The following ZNF48 variants were observed in gnomAD, a reference collection of about 807,000 sequenced individuals.
ZNF48 encodes the protein zinc finger protein 48, also known as zinc finger protein 553.
In ZNF48, 20 loss-of-function variants were observed where a neutral mutation model predicts 40.0. The ratio of observed to expected loss-of-function variants is 0.50; its 90% CI spans 0.35 to 0.73. The LOEUF (loss-of-function observed/expected upper bound fraction) is 0.73. ZNF48 is among the 30% of genes least tolerant of loss of function. The pLI is 0.01. For synonymous variants in ZNF48, 298 were observed against 329.7 expected, an observed-to-expected ratio of 0.90 and a Z score of 1.04; for missense variants, 726 against 851.9, an observed-to-expected ratio of 0.85 and a Z score of 1.84.
rs931343826 is a variant in ZNF48, at chr16:30,399,226, AATAG to A, written c.*125_*128del. The A allele has an allele frequency of 1.0e-5, 10 of 958,262 alleles. No homozygotes were observed. The highest frequency in any genetic ancestry group is 1.5e-5 in the Non-Finnish European group (10 of 664,722). 59.4% of individuals were successfully genotyped at this position (958,262 alleles called of 1,614,324 possible). A position where few individuals can be genotyped will look rare whatever the true frequency, so the allele number is the denominator to read the frequency against. On this transcript the variant is annotated 3_prime_UTR_variant, in exon 3 of 3. Coordinates refer to ENST00000613509, the MANE Select transcript of ZNF48 (RefSeq NM_001214909.2). ...AAGGAAGGGAAGAAAGGGGAGGAAG[AATAG>A]ATAGAAATAGGGATTGGAGACAGTA...
intron 1 of ZNF48, chr16:30,378,630 T>A (rs2049786847): frequency 6.2e-7 from 1 of 1,610,916 alleles, no homozygotes; most frequent in Non-Finnish European, 8.5e-7. Context: ...TTCTCGCGGA[T>A]CAGCTTCTCG....
chr16:30,392,578 G>A (rs1324621354), upstream of ZNF48, among the ~76,000 whole-genome samples: 1 of 152,180 alleles, frequency 6.6e-6, no homozygotes. Context: ...TAGAGTAATA[G>A]CTGATACTTT....
intron 2 of ZNF48, among the ~76,000 whole-genome samples, chr16:30,396,438 C>T (rs1229858746): frequency 2.0e-5 from 3 of 152,148 alleles, no homozygotes; most frequent in Admixed American, 2.0e-4. Flanking sequence ...TTATTCTGCA[C>T]CCACAATTAT....
At chr16:30,387,028 T>C (rs1482005070) in intron 1 of ZNF48, among the ~76,000 whole-genome samples, 10 of 148,606 alleles carry the variant, frequency 6.7e-5, no homozygotes, top group African/African-American at 1.2e-4. Flanking sequence ...CTGCAAGCTC[T>C]GCCTCCAGGG....
chr16:30,383,186 T>C (rs2049872729), intron 1 of ZNF48, among the ~76,000 whole-genome samples: 1 of 152,054 alleles, frequency 6.6e-6, no homozygotes, highest in African/African-American at 2.4e-5. Flanking sequence ...TGTTTCTTTT[T>C]CTTTCTTTCT....
At chr16:30,378,641 G>A (rs767169336) in intron 1 of ZNF48, 1 of 1,610,770 alleles carries the variant, frequency 6.2e-7, no homozygotes, top group South Asian at 1.1e-5. Flanking sequence ...CAGCTTCTCG[G>A]TGTCCGCCAG....
upstream of ZNF48, chr16:30,395,247 A>C (rs2049970598): frequency 2.2e-6 from 1 of 456,076 alleles, no homozygotes; most frequent in African/African-American, 2.0e-5. This position sits in a 1 kb window ranked among gnomAD's most constrained non-coding sequence, Gnocchi z 5.9. Flanking sequence ...CAGGAGGCAC[A>C]CGGTTAATAC....
In ZNF48 at chr16:30,381,759, C is replaced by T. The variant is rs1424253875; in HGVS notation, c.-16+3349C>T. On this transcript the variant is annotated intron_variant, in intron 1 of 2. Transcript: ENST00000528032. The surrounding 1 kb of genome is among the most constrained non-coding windows in gnomAD (Gnocchi z 4.3). The stretch of plus-strand genomic sequence containing the variant: ...CCTCTGTCCCCTTTCCTCTTCCTCA[C>T]CAGTCAGAGCAGTCCACTGAGTCCC... The T allele has an allele frequency of 6.2e-7, 1 of 1,613,702 alleles. No homozygotes were observed. Among genetic ancestry groups the T allele is most frequent in the Non-Finnish European group, 8.5e-7 (1 of 1,179,902 alleles).
At chr16:30,379,110 T>C (rs1275185429) in intron 1 of ZNF48, 2 of 1,613,968 alleles carry the variant, frequency 1.2e-6, no homozygotes, top group African/African-American at 2.7e-5. Flanking sequence ...GCGTCACCTC[T>C]TTCAGGTCCT....
At chr16:30,389,572 C>CAAA (rs1250778121) in intron 1 of ZNF48, among the ~76,000 whole-genome samples, 2 of 53,580 alleles carry the variant, frequency 3.7e-5, no homozygotes, top group African/African-American at 1.4e-4. Context: ...GACTCTGTCT[C>CAAA]AAAAAAAAAA....
At position 30,399,103 on chromosome 16, in the gene ZNF48, A is replaced by C; in HGVS notation, c.1853A>C (p.Glu618Ala). ...AAGCAGGAGGCAGCAACAGGACTGG[A>C]ATGACGCGGTCCAGGGAGGGCGGAG... ...PLKQEAATGL[E>A] The change falls in exon 3 of 3, where the codon GAA becomes GCA. Residue 618 changes from glutamate (E) to alanine (A), a missense_variant. Physicochemically the swap from Glu to Ala is moderately radical, Grantham distance 107 (BLOSUM62 -1). Coordinates refer to ENST00000613509, the MANE Select transcript of ZNF48 (RefSeq NM_001214909.2). 6.3e-7 allele frequency: 1 copy of C among 1,580,852 alleles called. No homozygotes were observed. The highest frequency in any genetic ancestry group is 8.6e-7 in the Non-Finnish European group (1 of 1,163,216).
Position 30,398,014 on chromosome 16 carries a change from G to A in ZNF48, c.764G>A (p.Arg255Gln), listed in dbSNP as rs201343712. 41 of 1,612,932 alleles carry A rather than the reference G, an allele frequency of 2.5e-5. No homozygotes were observed. The East Asian group carries it at 5.1e-4, about 20-fold the overall frequency. The part of the protein sequence containing the change: ...EQPPRPVVPR[R>Q]QPSRAATAAT... ...CCCCCCCGACCAGTGGTGCCCCGACGGCAGCCATCTCGGGCAGCCACGGCA... is the reference window on the plus strand; with the variant it reads ...CCCCCCCGACCAGTGGTGCCCCGACAGCAGCCATCTCGGGCAGCCACGGCA... Residue 255 changes from arginine (R) to glutamine (Q), a missense_variant, in exon 3 of 3, where the codon CGG becomes CAG. Physicochemically the swap from Arg to Gln is conservative, Grantham distance 43 (BLOSUM62 1). This residue lies in a region of ZNF48 where 378 missense variants were observed against 449.1 expected (regional missense o/e 0.84). Coordinates refer to ENST00000613509, the MANE Select transcript of ZNF48 (RefSeq NM_001214909.2). The surrounding 1 kb of genome is among the most constrained non-coding windows in gnomAD (Gnocchi z 6.6).
chr16:30,394,020 TTCTC>T (rs952408814), upstream of ZNF48, among the ~76,000 whole-genome samples: 36 of 151,730 alleles, frequency 2.4e-4, no homozygotes, highest in South Asian at 1.0e-3. Context: ...GCCCAGCCCA[TTCTC>T]TCTCTCTTTT....
At chr16:30,385,915 T>TA (rs1309964654) in intron 1 of ZNF48, among the ~76,000 whole-genome samples, 1 of 151,148 alleles carries the variant, frequency 6.6e-6, no homozygotes, top group African/African-American at 2.4e-5. Context: ...TGCTTGAGGC[T>TA]AGGAGTTCAA....
In ZNF48 at chr16:30,382,668, G is replaced by A. The variant is rs1245251577; in HGVS notation, c.-16+4258G>A. ...GGCCCAGTCCCAGAGAGGTGGGGAA[G>A]GCCAAGGCCAAGAACACTTGGGGTT... On this transcript the variant is annotated intron_variant, in intron 1 of 2. Coordinates refer to the ZNF48 transcript ENST00000528032. This position sits in a 1 kb window ranked among gnomAD's most constrained non-coding sequence, Gnocchi z 4.8. 1.3e-5 allele frequency: 20 copies of A among 1,533,796 alleles called. No homozygotes were observed. The highest frequency in any genetic ancestry group is 1.8e-5 in the Non-Finnish European group (20 of 1,141,994).
chr16:30,397,271 T>C lies in ZNF48; in HGVS notation c.80-59T>C, dbSNP rs1336829974. The C allele has an allele frequency of 9.5e-6, 14 of 1,470,252 alleles. No homozygotes were observed. The highest frequency in any genetic ancestry group is 1.2e-5 in the Non-Finnish European group (13 of 1,084,660). 91.1% of individuals were successfully genotyped at this position (1,470,252 alleles called of 1,614,324 possible). Reference sequence around the variant, plus strand: ...AAGGGAGTCTTCCTGGAGAGGTTGCTGTCAAAGATAAGTACCGAGCCAAAG... The same window carrying C: ...AAGGGAGTCTTCCTGGAGAGGTTGCCGTCAAAGATAAGTACCGAGCCAAAG... On this transcript the variant is annotated intron_variant, in intron 2 of 2. Transcript: ENST00000613509. The surrounding 1 kb of genome is among the most constrained non-coding windows in gnomAD (Gnocchi z 4.1).
rs1026492900 is a variant in ZNF48 at position 30,397,224 on chromosome 16, G to GT, written c.80-104dup. 3.9e-6 allele frequency: 4 copies of GT among 1,026,570 alleles called. No individual in the cohort carries two copies. The African/African-American group carries it at 4.8e-5, about 12-fold the overall frequency. The allele number at this position is 1,026,570 out of a possible 1,614,324, so 63.6% of individuals were successfully genotyped here. On this transcript the variant is annotated intron_variant, in intron 2 of 2. Coordinates refer to ENST00000613509, the MANE Select transcript of ZNF48 (RefSeq NM_001214909.2). This position sits in a 1 kb window ranked among gnomAD's most constrained non-coding sequence, Gnocchi z 4.1. The stretch of plus-strand genomic sequence containing the variant: ...AGGTTGAGAGGACAGAGAGATTGGG[G>GT]TTCCTGTGACCACAGATTGTCAAGG...
rs2049867572 is a variant in ZNF48, at chr16:30,382,659, G to A, written c.-16+4249G>A. On this transcript the variant is annotated intron_variant, in intron 1 of 2. Transcript: ENST00000528032. The surrounding 1 kb of genome is among the most constrained non-coding windows in gnomAD (Gnocchi z 4.8). ...GCTCAAACTGGCCCAGTCCCAGAGA[G>A]GTGGGGAAGGCCAAGGCCAAGAACA... is the stretch of plus-strand genomic sequence containing the variant. 4.6e-6 allele frequency: 7 copies of A among 1,536,232 alleles called. No individual in the cohort carries two copies. The South Asian group carries it at 8.3e-5, about 18-fold the overall frequency.
In ZNF48 at chr16:30,395,586, C is replaced by T. The variant is rs1419638200; in HGVS notation, c.-16+8C>T. On this transcript the variant is annotated splice_region_variant and intron_variant, in intron 1 of 2. Transcript: ENST00000613509. This position sits in a 1 kb window ranked among gnomAD's most constrained non-coding sequence, Gnocchi z 5.9. Reference sequence around the variant, plus strand: ...CCGGAGGCGGCCGGCAAGGTGAGAGCGGCGGCTGCGCGCTGGGAGGAGCAG... The same window carrying T: ...CCGGAGGCGGCCGGCAAGGTGAGAGTGGCGGCTGCGCGCTGGGAGGAGCAG... 2 of 241,356 alleles carry T rather than the reference C, an allele frequency of 8.3e-6. No individual in the cohort carries two copies. The highest frequency in any genetic ancestry group is 1.5e-5 in the Non-Finnish European group (2 of 134,462). 15.0% of individuals were successfully genotyped at this position (241,356 alleles called of 1,614,324 possible). A position where few individuals can be genotyped will look rare whatever the true frequency, so the allele number is the denominator to read the frequency against.
Sources: allele counts gnomAD v4.1 joint callset (sites outside exome capture counted in the v4.1 genomes callset), GRCh38; gene constraint gnomAD v4.1.1; regional missense constraint gnomAD v4.1.1; non-coding constraint Gnocchi (gnomAD v3.1); transcripts MANE v1.5; gene names NCBI Gene and HGNC (gene_info 2026-07-23, HGNC 2026-07-21).